Variants in FRMD5 observed in about 807,000 individuals in gnomAD.
FRMD5 encodes FERM domain-containing protein 5.
A neutral mutation model predicts 69.0 loss-of-function variants in FRMD5; 20 were observed. The observed-to-expected ratio is 0.29, with a 90% CI of 0.20 to 0.42. The LOEUF (loss-of-function observed/expected upper bound fraction) is 0.42, where lower values mean the gene tolerates loss of function less well. FRMD5 is among the 10% of genes least tolerant of loss of function. FRMD5 has a pLI of 1.00. For synonymous variants in FRMD5, 271 were observed against 260.1 expected (o/e 1.04, Z -0.40); for missense variants, 595 against 708.6 (o/e 0.84, Z 1.82).
chr15:44,004,546 G>A (rs1890352059), intron 1 of FRMD5, among the ~76,000 whole-genome samples: 1 of 152,066 alleles, frequency 6.6e-6, no homozygotes, highest in Non-Finnish European at 1.5e-5. Flanking sequence ...GATCCTTAAT[G>A]TTACTACTAT....
At chr15:43,882,901 G>A (rs968930398) in intron 13 of FRMD5, among the ~76,000 whole-genome samples, 1 of 151,542 alleles carries the variant, frequency 6.6e-6, no homozygotes, top group Non-Finnish European at 1.5e-5. Flanking sequence ...TGCCTTCCGG[G>A]TTCAAGCAGT....
At chr15:43,910,010 G>T in intron 4 of FRMD5, 31 bp from the exon 5 acceptor site, 1 of 1,253,932 alleles carries the variant, frequency 8.0e-7, no homozygotes, top group Non-Finnish European at 1.2e-6. Context: ...AAACTATAAA[G>T]GATTTCTTTG....
chr15:44,055,069 C>CAA (rs1024472194), intron 1 of FRMD5, among the ~76,000 whole-genome samples: 30 of 56,160 alleles, frequency 5.3e-4, no homozygotes, highest in African/African-American at 1.5e-3. Context: ...GACTCTGTCT[C>CAA]AAAAAAAAAA....
chr15:44,168,961 C>T (rs750692208), intron 1 of FRMD5, among the ~76,000 whole-genome samples: 1 of 152,190 alleles, frequency 6.6e-6, no homozygotes, highest in Non-Finnish European at 1.5e-5. Context: ...ATTTCAAGAT[C>T]GCCTAGGCTA....
intron 1 of FRMD5, among the ~76,000 whole-genome samples, chr15:44,135,744 G>A (rs961389667): frequency 6.8e-6 from 1 of 147,000 alleles, no homozygotes; most frequent in African/African-American, 2.5e-5. Flanking sequence ...AGAATTGCTT[G>A]AATCCGGAAG....
At position 43,872,829 on chromosome 15, in the gene FRMD5, A is replaced by T. The variant is rs983477887; in HGVS notation, c.*1056T>A. ...TCATCAGGCTCTATTTTCTTAATCC[A>T]TAAAGTAAAAACAAAATATGAATTG... On this transcript the variant is annotated 3_prime_UTR_variant, in exon 14 of 14. Coordinates refer to ENST00000417257, the MANE Select transcript of FRMD5 (RefSeq NM_032892.5). 2 of 223,758 alleles carry T rather than the reference A, an allele frequency of 8.9e-6. No homozygotes were observed. The highest frequency in any genetic ancestry group is 1.7e-5 in the Non-Finnish European group (2 of 114,898). 13.9% of individuals were successfully genotyped at this position (223,758 alleles called of 1,614,324 possible).
chr15:43,917,399 AT>A (rs1239720473), intron 4 of FRMD5, among the ~76,000 whole-genome samples: 3 of 151,464 alleles, frequency 2.0e-5, no homozygotes, highest in Admixed American at 6.6e-5. Context: ...CTTGAAAAAA[AT>A]TTTTTTTTGA....
chr15:44,143,165 C>G (rs2077299370), intron 1 of FRMD5, among the ~76,000 whole-genome samples: 1 of 152,156 alleles, frequency 6.6e-6, no homozygotes, highest in East Asian at 1.9e-4. Context: ...TAAAACTCAG[C>G]TCCCAAGAAA....
chr15:43,877,695 G>C (rs1230219568), intron 13 of FRMD5, among the ~76,000 whole-genome samples: 2 of 152,242 alleles, frequency 1.3e-5, no homozygotes, highest in African/African-American at 4.8e-5. Flanking sequence ...AGTCTTAGCT[G>C]TATTTTTTGT....
chr15:44,030,707 GAGA>G (rs950895602), intron 1 of FRMD5, among the ~76,000 whole-genome samples: 2 of 150,230 alleles, frequency 1.3e-5, no homozygotes, highest in Non-Finnish European at 3.0e-5. Flanking sequence ...CCCCAAAAAG[GAGA>G]AGGTGAAGGA....
chr15:44,168,112 TTAAC>T (rs1448136108), intron 1 of FRMD5, among the ~76,000 whole-genome samples: 1 of 152,222 alleles, frequency 6.6e-6, no homozygotes, highest in African/African-American at 2.4e-5. Flanking sequence ...AATAATTTAC[TTAAC>T]TGTTAGGACA....
intron 1 of FRMD5, among the ~76,000 whole-genome samples, chr15:44,188,626 G>A (rs759110893): frequency 5.3e-5 from 8 of 152,244 alleles, no homozygotes; most frequent in Non-Finnish European, 8.8e-5. Context: ...CTATCTAGGG[G>A]CCATACTTTG....
intron 1 of FRMD5, among the ~76,000 whole-genome samples, chr15:44,154,100 C>A (rs186085820): frequency 2.0e-5 from 3 of 152,146 alleles, no homozygotes; most frequent in African/African-American, 7.2e-5. Context: ...GGTCAACAAA[C>A]TGCTTAAGCC....
chr15:44,114,693 A>G (rs887185486), intron 1 of FRMD5, among the ~76,000 whole-genome samples: 2 of 152,240 alleles, frequency 1.3e-5, no homozygotes, highest in African/African-American at 4.8e-5. Flanking sequence ...AATTATATAC[A>G]CTTTTAAAAA....
chr15:43,926,915 A>G (rs1191283935), intron 1 of FRMD5, among the ~76,000 whole-genome samples: 3 of 146,966 alleles, frequency 2.0e-5, no homozygotes, highest in African/African-American at 7.6e-5. Flanking sequence ...AACATACTAG[A>G]TCACACACCT....
chr15:44,127,984 T>C lies in FRMD5; in HGVS notation c.102+66969A>G, dbSNP rs549206058. Among the ~76,000 whole-genome samples, 128 of 152,336 alleles carry C rather than the reference T, an allele frequency of 8.4e-4. 1 individual carries two copies. The highest frequency in any genetic ancestry group is 2.9e-3 in the African/African-American group (122 of 41,566). ...ATCTGGCTTTTCAACATTTTCCCTT[T>C]TGCTTATGCTTCCATTTTTAATTAT... is the stretch of plus-strand genomic sequence containing the variant. On this transcript the variant is annotated intron_variant, in intron 1 of 13. Transcript: ENST00000417257.
At chr15:43,975,136 T>A (rs8041328) in intron 1 of FRMD5, among the ~76,000 whole-genome samples, 5,355 of 152,296 alleles carry the variant, frequency 0.035, 278 homozygotes, top group African/African-American at 0.11. Context: ...CCAAGGGACA[T>A]TGACAAGTGA....
chr15:44,118,087 T>C (rs2076896611), intron 1 of FRMD5, among the ~76,000 whole-genome samples: 1 of 146,952 alleles, frequency 6.8e-6, no homozygotes, highest in Non-Finnish European at 1.5e-5. Flanking sequence ...TTGAGGAGGA[T>C]ACATGTATTC....
intron 7 of FRMD5, among the ~76,000 whole-genome samples, chr15:43,898,930 G>A (rs1357405280): frequency 1.3e-5 from 2 of 152,164 alleles, no homozygotes; most frequent in Non-Finnish European, 2.9e-5. Flanking sequence ...GACATTCTGG[G>A]CAGAAAGAAA....
Sources: gnomAD v4.1 joint callset for allele counts (sites outside exome capture counted in the v4.1 genomes callset) on GRCh38, gnomAD v4.1.1 for gene constraint, MANE v1.5 for transcripts, NCBI Gene and HGNC (gene_info 2026-07-23, HGNC 2026-07-21) for gene names.